DDX31: variants seen among roughly 807,000 people sequenced by gnomAD.
DDX31 encodes DEAD-box helicase 31.
Under a neutral mutation model 91.3 loss-of-function variants are expected in DDX31, and 70 were observed. The ratio of observed to expected loss-of-function variants is 0.77; its 90% CI spans 0.63 to 0.94. DDX31 has a LOEUF of 0.94. Ranked by LOEUF, DDX31 falls within the 40% of genes least tolerant of loss-of-function variation. The pLI, the probability that DDX31 is intolerant of heterozygous loss-of-function variation, is 0.00. For missense variants in DDX31, 902 were observed against 925.0 expected (o/e 0.98, Z 0.32); for synonymous variants, 362 against 350.6 (o/e 1.03, Z -0.36).
At chr9:132,631,675 C>T (rs1047696674) in intron 15 of DDX31, among the ~76,000 whole-genome samples, 1 of 152,190 alleles carries the variant, frequency 6.6e-6, no homozygotes, top group African/African-American at 2.4e-5. Context: ...TCAACGTACA[C>T]GGACACGGCT....
chr9:132,613,351 G>A (rs1831454383), intron 18 of DDX31, among the ~76,000 whole-genome samples: 1 of 152,202 alleles, frequency 6.6e-6, no homozygotes, highest in Admixed American at 6.5e-5. Flanking sequence ...CAACAATTTA[G>A]GGACATTCAT....
intron 18 of DDX31, among the ~76,000 whole-genome samples, chr9:132,615,977 A>G (rs948817148): frequency 6.6e-6 from 1 of 152,254 alleles, no homozygotes; most frequent in African/African-American, 2.4e-5. Flanking sequence ...AAATGGCATA[A>G]AAGGGAAGCA....
At chr9:132,653,587 G>A (rs1329277347) in intron 6 of DDX31, among the ~76,000 whole-genome samples, 1 of 131,722 alleles carries the variant, frequency 7.6e-6, no homozygotes, top group Non-Finnish European at 1.7e-5. Context: ...AAGATAAAAG[G>A]AATATAAGCT....
intron 17 of DDX31, among the ~76,000 whole-genome samples, chr9:132,623,122 T>A (rs1832145948): frequency 6.9e-6 from 1 of 145,010 alleles, no homozygotes; most frequent in South Asian, 2.2e-4. Flanking sequence ...ACAGCAAGAC[T>A]CCATCTCAAA....
At chr9:132,654,221 A>C (rs1190470631) in intron 6 of DDX31, among the ~76,000 whole-genome samples, 2 of 152,230 alleles carry the variant, frequency 1.3e-5, no homozygotes, top group African/African-American at 4.8e-5. Flanking sequence ...CAAGAGTCAA[A>C]TGATAACCTG....
chr9:132,618,780 G>A (rs1207563188), intron 17 of DDX31, among the ~76,000 whole-genome samples: 1 of 152,202 alleles, frequency 6.6e-6, no homozygotes, highest in African/African-American at 2.4e-5. Flanking sequence ...CTGAACATGA[G>A]CTGTTTTCAA....
chr9:132,659,603 C>T (rs1162108461), intron 5 of DDX31, 107 bp downstream of exon 5: 7 of 1,105,276 alleles, frequency 6.3e-6, no homozygotes, highest in South Asian at 2.8e-5. Flanking sequence ...CTCCCCCAAA[C>T]GAAACAAAAC....
intron 1 of DDX31, among the ~76,000 whole-genome samples, chr9:132,668,343 A>C (rs542024216): frequency 3.3e-5 from 5 of 152,194 alleles, no homozygotes; most frequent in African/African-American, 1.2e-4. Context: ...ATCCCCCTCC[A>C]TTGCATGGGG....
Position 132,661,205 on chromosome 9 carries a change from T to C in DDX31, c.452+3A>G. 3 of 1,610,792 alleles carry C rather than the reference T, an allele frequency of 1.9e-6. No individual in the cohort carries two copies. Among genetic ancestry groups the C allele is most frequent in the Middle Eastern group, 1.7e-4 (1 of 6,054 alleles). On this transcript the variant is annotated splice_donor_region_variant and intron_variant, in intron 4 of 19. Coordinates refer to ENST00000372159, the MANE Select transcript of DDX31 (RefSeq NM_022779.9). Reference sequence around the variant, plus strand: ...GAAATCAAGAGGAGCCTGAAGTTCTTACCTGGTCATACTAGACATTTTTAA... The same window carrying C: ...GAAATCAAGAGGAGCCTGAAGTTCTCACCTGGTCATACTAGACATTTTTAA...
chr9:132,608,229 T>C (rs1028315243), intron 19 of DDX31, among the ~76,000 whole-genome samples: 3 of 152,150 alleles, frequency 2.0e-5, no homozygotes, highest in African/African-American at 7.2e-5. Flanking sequence ...TATGTCGGTG[T>C]TTGGGGTGGG....
At chr9:132,659,675 C>A (rs1468822999) in intron 5 of DDX31, 35 bp downstream of exon 5, 1 of 1,585,968 alleles carries the variant, frequency 6.3e-7, no homozygotes, top group Non-Finnish European at 8.6e-7. Context: ...TGGGCCTGAG[C>A]AGATGAAAAA....
intron 13 of DDX31, 87 bp downstream of exon 13, chr9:132,645,808 T>C: frequency 2.1e-6 from 3 of 1,441,044 alleles, no homozygotes; most frequent in Non-Finnish European, 2.8e-6. Context: ...TTGCTGAGCC[T>C]AAAGACCAGG....
At chr9:132,620,564 A>G (rs1189587705) in intron 17 of DDX31, among the ~76,000 whole-genome samples, 1 of 152,008 alleles carries the variant, frequency 6.6e-6, no homozygotes, top group African/African-American at 2.4e-5. Context: ...AGTTAATGGC[A>G]GAAAAAAATA....
intron 1 of DDX31, among the ~76,000 whole-genome samples, chr9:132,666,290 C>T (rs1237544365): frequency 6.6e-6 from 1 of 151,614 alleles, no homozygotes; most frequent in African/African-American, 2.4e-5. Flanking sequence ...AGTTTTGCAC[C>T]TTATTCCAGA....
intron 19 of DDX31, among the ~76,000 whole-genome samples, chr9:132,610,477 G>C (rs1203677503): frequency 1.3e-5 from 2 of 152,174 alleles, no homozygotes; most frequent in East Asian, 1.9e-4. Flanking sequence ...ACTGGGAAGA[G>C]AATTAGGCAA....
chr9:132,666,712 G>GTT (rs777577208), intron 1 of DDX31, among the ~76,000 whole-genome samples: 35 of 140,080 alleles, frequency 2.5e-4, no homozygotes, highest in African/African-American at 6.0e-4. Flanking sequence ...TTTTGTTTTT[G>GTT]TTTTTTTTTT....
At chr9:132,623,401 C>T (rs758122873) in intron 17 of DDX31, among the ~76,000 whole-genome samples, 15 of 151,050 alleles carry the variant, frequency 9.9e-5, no homozygotes, top group Non-Finnish European at 1.8e-4. Context: ...ACTAAAAATA[C>T]GAAAATTAGG....
chr9:132,644,655 A>G (rs543432450), intron 13 of DDX31, among the ~76,000 whole-genome samples: 3 of 152,372 alleles, frequency 2.0e-5, no homozygotes, highest in African/African-American at 7.2e-5. Flanking sequence ...TTCTGAGTCC[A>G]TACCCAGCTC....
In DDX31 at chr9:132,601,869, C is replaced by T. The variant is rs559137550; in HGVS notation, c.1995-6757G>A. On this transcript the variant is annotated intron_variant, in intron 19 of 19. Coordinates refer to ENST00000372159, the MANE Select transcript of DDX31 (RefSeq NM_022779.9). ...AAGGTACTTATTTCTCTAAGTCCCA[C>T]GTTATTCACTTACAACGATTAATGA... is the stretch of plus-strand genomic sequence containing the variant. Among the ~76,000 whole-genome samples, 13 of 152,300 alleles carry T rather than the reference C, an allele frequency of 8.5e-5. No homozygotes were observed. In the South Asian group the frequency reaches 2.5e-3, roughly 29 times the overall value.
Sources: allele counts gnomAD v4.1 joint callset (sites outside exome capture counted in the v4.1 genomes callset), GRCh38; gene constraint gnomAD v4.1.1; transcripts MANE v1.5; gene names NCBI Gene and HGNC (gene_info 2026-07-23, HGNC 2026-07-21).